The following SCHIP1 variants were observed in gnomAD, a reference collection of about 807,000 sequenced individuals.
SCHIP1 encodes the protein schwannomin-interacting protein 1.
In SCHIP1, 8 loss-of-function variants were observed where a neutral mutation model predicts 29.7. The ratio of observed to expected loss-of-function variants is 0.27; its 90% CI spans 0.16 to 0.49. SCHIP1 has a LOEUF of 0.49. SCHIP1 is among the 20% of genes least tolerant of loss of function. The pLI is 0.99. For synonymous variants in SCHIP1, 76 were observed against 94.9 expected, an observed-to-expected ratio of 0.80 and a Z score of 1.16; for missense variants, 193 against 294.6, an observed-to-expected ratio of 0.66 and a Z score of 2.52.
chr3:159,696,722 G>T, the SCHIP1 span, among the ~76,000 whole-genome samples: 1 of 152,154 alleles, frequency 6.6e-6, no homozygotes, highest in Middle Eastern at 3.2e-3. Flanking sequence ...GTGGGTGTCG[G>T]GGTTCTTAAC....
In SCHIP1 at chr3:159,866,729, A is replaced by G. The variant is rs551289822; in HGVS notation, c.149+448A>G. 6.2e-4 allele frequency among the ~76,000 whole-genome samples: 94 copies of G among 152,278 alleles called. 1 individual carries two copies. Among genetic ancestry groups the G allele is most frequent in the African/African-American group, 2.2e-3 (92 of 41,558 alleles). On this transcript the variant is annotated intron_variant, in intron 2 of 6. Coordinates refer to ENST00000445224, the Ensembl canonical transcript of SCHIP1. ...ATACAATTCCCGCTTTGATCATTCAATGTTTATTACAGTTCTTAACCTGTC... is the reference window on the plus strand; with the variant it reads ...ATACAATTCCCGCTTTGATCATTCAGTGTTTATTACAGTTCTTAACCTGTC...
the SCHIP1 span, among the ~76,000 whole-genome samples, chr3:159,527,993 TC>T: frequency 2.0e-5 from 3 of 152,168 alleles, no homozygotes; most frequent in African/African-American, 7.2e-5. Context: ...TAATTGTTCA[TC>T]CAAAAAAATG....
chr3:159,664,274 A>G, the SCHIP1 span, among the ~76,000 whole-genome samples: 1 of 152,152 alleles, frequency 6.6e-6, no homozygotes, highest in East Asian at 1.9e-4. Context: ...GAGACCTAGA[A>G]TCTAGTTTAT....
At chr3:159,793,014 TGAA>T in the SCHIP1 span, among the ~76,000 whole-genome samples, 1 of 152,216 alleles carries the variant, frequency 6.6e-6, no homozygotes, top group Non-Finnish European at 1.5e-5. Flanking sequence ...TAAGAGTTAA[TGAA>T]AATGTTTGCA....
the SCHIP1 span, among the ~76,000 whole-genome samples, chr3:159,624,074 T>A: frequency 6.6e-6 from 1 of 152,202 alleles, no homozygotes; most frequent in Admixed American, 6.5e-5. Flanking sequence ...AAAGGTATCT[T>A]GTGAAATATG....
At chr3:159,582,872 A>C in the SCHIP1 span, among the ~76,000 whole-genome samples, 2 of 151,626 alleles carry the variant, frequency 1.3e-5, no homozygotes, top group Non-Finnish European at 2.9e-5. Context: ...AGGACACCCC[A>C]CTAAATGCAA....
chr3:159,434,991 C>A, the SCHIP1 span, among the ~76,000 whole-genome samples: 1 of 152,130 alleles, frequency 6.6e-6, no homozygotes, highest in African/African-American at 2.4e-5. Flanking sequence ...TTATCTATGA[C>A]CACAGACCAT....
chr3:159,843,971 G>T (rs898327308), intron 1 of SCHIP1, among the ~76,000 whole-genome samples: 2 of 151,690 alleles, frequency 1.3e-5, no homozygotes, highest in African/African-American at 2.4e-5. Flanking sequence ...CTATCCCCTT[G>T]TTTCTTGTTA....
the SCHIP1 span, among the ~76,000 whole-genome samples, chr3:159,373,387 G>A: frequency 6.6e-6 from 1 of 151,926 alleles, no homozygotes; most frequent in East Asian, 1.9e-4. Flanking sequence ...ATTAAATCAA[G>A]CTAATAGACA....
At chr3:159,405,086 G>A in the SCHIP1 span, among the ~76,000 whole-genome samples, 79 of 152,290 alleles carry the variant, frequency 5.2e-4, 1 homozygote, top group Middle Eastern at 3.4e-3. Context: ...GGATTATAAT[G>A]TCCCTTAATG....
the SCHIP1 span, among the ~76,000 whole-genome samples, chr3:159,629,032 TAAACTC>T: frequency 1.3e-5 from 2 of 152,116 alleles, no homozygotes; most frequent in African/African-American, 2.4e-5. Flanking sequence ...TAATAGATGA[TAAACTC>T]AAAAGAGTAC....
chr3:159,708,401 A>T, the SCHIP1 span, among the ~76,000 whole-genome samples: 740 of 152,342 alleles, frequency 4.9e-3, 10 homozygotes, highest in Admixed American at 0.022. Context: ...TAGATTTAGC[A>T]TTTGAAGTGA....
At chr3:159,573,881 T>C in the SCHIP1 span, among the ~76,000 whole-genome samples, 1 of 152,216 alleles carries the variant, frequency 6.6e-6, no homozygotes, top group African/African-American at 2.4e-5. Flanking sequence ...ATGGATACCC[T>C]TTCTTCCACT....
the SCHIP1 span, among the ~76,000 whole-genome samples, chr3:159,721,282 A>C: frequency 3.9e-5 from 6 of 152,234 alleles, no homozygotes; most frequent in Non-Finnish European, 8.8e-5. Flanking sequence ...ATTTACAAAC[A>C]GGATTTAGGG....
the SCHIP1 span, among the ~76,000 whole-genome samples, chr3:159,517,985 C>T: frequency 6.6e-6 from 1 of 151,978 alleles, no homozygotes; most frequent in Non-Finnish European, 1.5e-5. Context: ...GGAGAATTAA[C>T]CTAAATATCC....
chr3:159,310,997 G>A, the SCHIP1 span, among the ~76,000 whole-genome samples: 6 of 152,088 alleles, frequency 3.9e-5, no homozygotes, highest in African/African-American at 1.4e-4. Context: ...CCTATTCATA[G>A]TCCTTCCCAT....
the SCHIP1 span, among the ~76,000 whole-genome samples, chr3:159,592,697 C>T: frequency 6.6e-6 from 1 of 152,066 alleles, no homozygotes; most frequent in African/African-American, 2.4e-5. Context: ...GTTTATGGCT[C>T]CCTCTACTTT....
At chr3:159,464,872 T>C in the SCHIP1 span, among the ~76,000 whole-genome samples, 7 of 152,166 alleles carry the variant, frequency 4.6e-5, no homozygotes, top group Non-Finnish European at 1.0e-4. Context: ...AATACTAGAA[T>C]AGACATATGA....
At chr3:159,389,752 A>G in the SCHIP1 span, among the ~76,000 whole-genome samples, 1 of 152,048 alleles carries the variant, frequency 6.6e-6, no homozygotes. Flanking sequence ...GTTTCTGGAT[A>G]TTCTTCCAAT....
Sources: gnomAD v4.1 joint callset for allele counts (sites outside exome capture counted in the v4.1 genomes callset) on GRCh38, gnomAD v4.1.1 for gene constraint, MANE v1.5 for transcripts, NCBI Gene and HGNC (gene_info 2026-07-23, HGNC 2026-07-21) for gene names.